SEMA6A: variants seen among roughly 807,000 people sequenced by gnomAD.
The protein encoded by SEMA6A is semaphorin 6A, also known as semaphorin-6A.
Under a neutral mutation model 96.8 loss-of-function variants are expected in SEMA6A, and 25 were observed. The ratio of observed to expected loss-of-function variants is 0.26; its 90% CI spans 0.19 to 0.36. The LOEUF is 0.36. SEMA6A is among the 10% of genes least tolerant of loss of function. The probability of loss-of-function intolerance (pLI) is 1.00; values close to 1 mark genes in which losing one functional copy is unlikely to be tolerated. For missense variants in SEMA6A, 1,363 were observed against 1,323.1 expected, an observed-to-expected ratio of 1.03 and a Z score of -0.47; for synonymous variants, 612 against 518.0, an observed-to-expected ratio of 1.18 and a Z score of -2.46.
intron 7 of SEMA6A, among the ~76,000 whole-genome samples, chr5:116,491,363 A>T (rs1757313999): frequency 6.6e-6 from 1 of 152,148 alleles, no homozygotes; most frequent in African/African-American, 2.4e-5. Flanking sequence ...GAACCTAGCC[A>T]ATCCCAAAGT....
intron 1 of SEMA6A, among the ~76,000 whole-genome samples, chr5:116,571,154 G>C (rs757552119): frequency 6.6e-6 from 1 of 152,098 alleles, no homozygotes; most frequent in Non-Finnish European, 1.5e-5. Context: ...TCCACTTTAA[G>C]TGGACAAACA....
intron 16 of SEMA6A, among the ~76,000 whole-genome samples, chr5:116,473,349 G>A (rs939943648): frequency 6.6e-5 from 10 of 152,204 alleles, no homozygotes; most frequent in African/African-American, 2.4e-4. Flanking sequence ...GCAAGAGTTG[G>A]CAGACGAAAT....
chr5:116,492,730 G>C (rs1757388146), intron 6 of SEMA6A, among the ~76,000 whole-genome samples: 1 of 152,182 alleles, frequency 6.6e-6, no homozygotes, highest in African/African-American at 2.4e-5. Flanking sequence ...GCATGGTAGA[G>C]AGGCAGATAC....
At chr5:116,484,633 A>AT (rs1013829839) in intron 10 of SEMA6A, among the ~76,000 whole-genome samples, 23 of 151,240 alleles carry the variant, frequency 1.5e-4, no homozygotes, top group African/African-American at 4.9e-4. Flanking sequence ...AGGAAAAAAA[A>AT]AATAATAATA....
At chr5:116,545,496 G>A (rs933234595) in intron 1 of SEMA6A, among the ~76,000 whole-genome samples, 8 of 152,062 alleles carry the variant, frequency 5.3e-5, no homozygotes, top group Non-Finnish European at 1.2e-4. Context: ...CTTGAACCTG[G>A]GAGGTGGAGG....
At chr5:116,473,453 A>T (rs372825723) in intron 16 of SEMA6A, among the ~76,000 whole-genome samples, 1 of 152,246 alleles carries the variant, frequency 6.6e-6, no homozygotes, top group Admixed American at 6.5e-5. Context: ...CCACACTTAC[A>T]AAGAAAACAC....
chr5:116,494,657 C>T (rs1757493496), intron 6 of SEMA6A, among the ~76,000 whole-genome samples: 1 of 152,168 alleles, frequency 6.6e-6, no homozygotes, highest in Non-Finnish European at 1.5e-5. Context: ...GCCTGGCTTC[C>T]CTAAGGGTTG....
chr5:116,498,269 G>C (rs1464764517), intron 3 of SEMA6A, among the ~76,000 whole-genome samples: 1 of 152,122 alleles, frequency 6.6e-6, no homozygotes, highest in African/African-American at 2.4e-5. Flanking sequence ...CTAAAATGCA[G>C]GAAGTCCTGG....
chr5:116,456,843 A>C (rs1240555992), intron 18 of SEMA6A, among the ~76,000 whole-genome samples: 1 of 152,172 alleles, frequency 6.6e-6, no homozygotes, highest in Non-Finnish European at 1.5e-5. Context: ...CCACTCCCTC[A>C]ACTCAACTTA....
At chr5:116,491,936 A>C in intron 6 of SEMA6A, 106 bp from the exon 7 acceptor site, 2 of 866,456 alleles carry the variant, frequency 2.3e-6, no homozygotes, top group Non-Finnish European at 3.8e-6. Flanking sequence ...ATCTGTAATC[A>C]CTTTGAGATG....
Position 116,477,869 on chromosome 5 carries a change from G to A in SEMA6A, c.1626C>T (p.Cys542=), listed in dbSNP as rs770136879. 7 of 1,613,844 alleles carry A rather than the reference G, an allele frequency of 4.3e-6. No individual in the cohort carries two copies. The highest frequency in any genetic ancestry group is 2.2e-5 in the South Asian group (2 of 91,086). Residue 542 remains cysteine (C), a synonymous_variant, in exon 15 of 19, where the codon TGC becomes TGT. Transcript: ENST00000343348. ...ACCTGCTGTTGGGTGATAAATGGCT[G>A]CAGGCACCACCTTCCTTTATCCATC... The part of the protein sequence containing the change: ...YCGWIKEGGA[C]SHLSPNSRLT...
At chr5:116,527,712 TGA>T (rs1759292463) in intron 1 of SEMA6A, among the ~76,000 whole-genome samples, 1 of 152,184 alleles carries the variant, frequency 6.6e-6, no homozygotes, top group African/African-American at 2.4e-5. Flanking sequence ...TTGGTTCTAA[TGA>T]GTCTAATGAT....
chr5:116,474,280 A>G (rs994386601), intron 16 of SEMA6A, among the ~76,000 whole-genome samples: 3 of 123,018 alleles, frequency 2.4e-5, no homozygotes, highest in Admixed American at 1.7e-4. Flanking sequence ...GCACGCATGC[A>G]CACACACACA....
At chr5:116,543,652 G>T (rs1760066813) in intron 1 of SEMA6A, among the ~76,000 whole-genome samples, 1 of 152,196 alleles carries the variant, frequency 6.6e-6, no homozygotes, top group African/African-American at 2.4e-5. Context: ...AATCCGACTA[G>T]TTGCATGACC....
At chr5:116,515,227 G>A (rs10068086) in intron 1 of SEMA6A, among the ~76,000 whole-genome samples, 10,851 of 152,238 alleles carry the variant, frequency 0.071, 448 homozygotes, top group Admixed American at 0.11. Context: ...GGAATTTCAA[G>A]CATTTGTCTG....
chr5:116,507,004 C>A (rs571520512), intron 1 of SEMA6A, among the ~76,000 whole-genome samples: 21 of 152,108 alleles, frequency 1.4e-4, no homozygotes, highest in Non-Finnish European at 2.5e-4. Flanking sequence ...CTTAAGATTG[C>A]ATGTGTCAAA....
intron 1 of SEMA6A, among the ~76,000 whole-genome samples, chr5:116,573,895 C>A (rs1761348764): frequency 6.6e-6 from 1 of 152,040 alleles, no homozygotes; most frequent in African/African-American, 2.4e-5. Flanking sequence ...GGAGGAACAG[C>A]CATACGCGCC....
chr5:116,549,749 G>C (rs1760322652), intron 1 of SEMA6A, among the ~76,000 whole-genome samples: 1 of 152,064 alleles, frequency 6.6e-6, no homozygotes, highest in Admixed American at 6.6e-5. Flanking sequence ...ATTCACAAGG[G>C]AGTTTCCCTC....
intron 1 of SEMA6A, among the ~76,000 whole-genome samples, chr5:116,567,882 A>C (rs1238073637): frequency 6.6e-6 from 1 of 152,224 alleles, no homozygotes; most frequent in East Asian, 1.9e-4. Context: ...ACTGAGCAAA[A>C]ACAATTATCT....
Sources: allele counts gnomAD v4.1 joint callset (sites outside exome capture counted in the v4.1 genomes callset), GRCh38; gene constraint gnomAD v4.1.1; transcripts MANE v1.5; gene names NCBI Gene and HGNC (gene_info 2026-07-23, HGNC 2026-07-21).